Variants in ARL8B observed in about 807,000 individuals in gnomAD.
ARL8B encodes the protein ARF like GTPase 8B.
ARL8B carries 9 observed loss-of-function variants against 30.6 expected under a neutral mutation model. The ratio of observed to expected loss-of-function variants is 0.29; its 90% CI spans 0.18 to 0.51. The LOEUF is 0.51. ARL8B is among the 20% of genes least tolerant of loss of function. The pLI is 0.97. For synonymous variants in ARL8B, 74 were observed against 76.0 expected (o/e 0.97, Z 0.14); for missense variants, 130 against 227.2 (o/e 0.57, Z 2.75).
chr3:5,161,243 C>A (rs562798740), intron 1 of ARL8B, among the ~76,000 whole-genome samples: 1 of 152,266 alleles, frequency 6.6e-6, no homozygotes, highest in South Asian at 2.1e-4. Flanking sequence ...TGATTCAGCC[C>A]CTGTCCCATA....
At chr3:5,136,624 T>TA (rs1260332468) in intron 1 of ARL8B, among the ~76,000 whole-genome samples, 1 of 152,236 alleles carries the variant, frequency 6.6e-6, no homozygotes, top group Non-Finnish European at 1.5e-5. Flanking sequence ...TAGGAACACT[T>TA]ACAAATTTTA....
chr3:5,122,345 C>T lies in ARL8B; in HGVS notation c.-121C>T. 1.3e-6 allele frequency: 2 copies of T among 1,547,114 alleles called. No homozygotes were observed. The highest frequency in any genetic ancestry group is 8.7e-7 in the Non-Finnish European group (1 of 1,148,268). The stretch of plus-strand genomic sequence containing the variant: ...GCTGCTGCCGCCCGCCGGTGTCCGC[C>T]CGTGTCGCGCCGGGGCACCAAGGAG... On this transcript the variant is annotated 5_prime_UTR_variant, in exon 1 of 7. Coordinates refer to ENST00000256496, the MANE Select transcript of ARL8B (RefSeq NM_018184.3).
chr3:5,132,129 T>G (rs1295685673), intron 1 of ARL8B, among the ~76,000 whole-genome samples: 1 of 152,202 alleles, frequency 6.6e-6, no homozygotes, highest in Non-Finnish European at 1.5e-5. Context: ...GCTCAAGCTG[T>G]CCTCCTTCCT....
At chr3:5,166,049 T>C (rs1418766809) in intron 1 of ARL8B, among the ~76,000 whole-genome samples, 1 of 151,874 alleles carries the variant, frequency 6.6e-6, no homozygotes, top group Non-Finnish European at 1.5e-5. Context: ...TATCTTTTTT[T>C]TTTTTTTTTG....
chr3:5,136,861 C>T (rs946765416), intron 1 of ARL8B, among the ~76,000 whole-genome samples: 8 of 152,130 alleles, frequency 5.3e-5, no homozygotes, highest in Middle Eastern at 3.2e-3. Flanking sequence ...CTGTCTTACT[C>T]ATCGTTCAGG....
intron 1 of ARL8B, among the ~76,000 whole-genome samples, chr3:5,131,591 A>G (rs2054284418): frequency 1.3e-5 from 2 of 151,864 alleles, no homozygotes; most frequent in African/African-American, 4.8e-5. Context: ...GGGTTTCACG[A>G]TGTTGGCCAC....
chr3:5,168,196 C>T (rs1186766485), intron 1 of ARL8B, among the ~76,000 whole-genome samples: 3 of 152,158 alleles, frequency 2.0e-5, no homozygotes, highest in Non-Finnish European at 4.4e-5. Flanking sequence ...ACCTCAGCCT[C>T]CCTAGTAGCT....
chr3:5,174,239 A>T lies in ARL8B; in HGVS notation c.441-105A>T, dbSNP rs73002998. ...ATCCTAACATTTTAGGATTGCTACG[A>T]TGATTTCTTCAGTATAGTAATAAAA... On this transcript the variant is annotated intron_variant, in intron 5 of 6. Coordinates refer to ENST00000256496, the MANE Select transcript of ARL8B (RefSeq NM_018184.3). The T allele has an allele frequency of 6.2e-3, 6,624 of 1,076,698 alleles. 44 individuals carry two copies. The highest frequency in any genetic ancestry group is 0.017 in the Middle Eastern group (83 of 4,800). The allele number at this position is 1,076,698 out of a possible 1,614,324, so 66.7% of individuals were successfully genotyped here.
intron 1 of ARL8B, among the ~76,000 whole-genome samples, chr3:5,154,891 T>TTTTGTTTG (rs77688723): frequency 2.0e-5 from 3 of 151,176 alleles, no homozygotes; most frequent in Admixed American, 6.6e-5. Context: ...TTGTGGTTGT[T>TTTTGTTTG]TTTGTTTGTT....
At chr3:5,153,955 C>T (rs539801410) in intron 1 of ARL8B, among the ~76,000 whole-genome samples, 3 of 151,762 alleles carry the variant, frequency 2.0e-5, no homozygotes, top group African/African-American at 4.8e-5. Flanking sequence ...TCCAGCACTT[C>T]GGAAGATGCT....
At chr3:5,168,912 C>T (rs983647436) in intron 1 of ARL8B, among the ~76,000 whole-genome samples, 4 of 152,172 alleles carry the variant, frequency 2.6e-5, no homozygotes, top group South Asian at 2.1e-4. Context: ...CATTATCTCA[C>T]GTAGATCTCT....
intron 1 of ARL8B, among the ~76,000 whole-genome samples, 164 bp downstream of exon 1, chr3:5,122,752 C>A (rs1188453100): frequency 1.3e-5 from 2 of 152,226 alleles, no homozygotes; most frequent in Non-Finnish European, 2.9e-5. Context: ...TTGGAATTTC[C>A]CGCGTGTTGG....
At chr3:5,147,123 C>G (rs557094344) in intron 1 of ARL8B, among the ~76,000 whole-genome samples, 1 of 152,060 alleles carries the variant, frequency 6.6e-6, no homozygotes, top group Non-Finnish European at 1.5e-5. Flanking sequence ...GCTGCACCCA[C>G]TAACCGGTCA....
At chr3:5,142,910 C>T (rs553943599) in intron 1 of ARL8B, among the ~76,000 whole-genome samples, 4 of 152,294 alleles carry the variant, frequency 2.6e-5, no homozygotes, top group Admixed American at 6.5e-5. Flanking sequence ...AGTTATTTGG[C>T]AAGGAGCCCT....
At chr3:5,129,954 C>G (rs1420241988) in intron 1 of ARL8B, among the ~76,000 whole-genome samples, 4 of 152,128 alleles carry the variant, frequency 2.6e-5, no homozygotes, top group Non-Finnish European at 4.4e-5. Context: ...ACCTCTGCCT[C>G]CTGGGTTCAA....
At chr3:5,131,745 A>G (rs1309569788) in intron 1 of ARL8B, among the ~76,000 whole-genome samples, 1 of 152,194 alleles carries the variant, frequency 6.6e-6, no homozygotes, top group African/African-American at 2.4e-5. Flanking sequence ...TAACCCTTAT[A>G]TGAATATTTT....
intron 1 of ARL8B, among the ~76,000 whole-genome samples, chr3:5,142,911 A>G (rs2054387000): frequency 1.3e-5 from 2 of 152,228 alleles, no homozygotes; most frequent in Non-Finnish European, 2.9e-5. Flanking sequence ...GTTATTTGGC[A>G]AGGAGCCCTT....
chr3:5,134,985 A>C (rs938096807), intron 1 of ARL8B, among the ~76,000 whole-genome samples: 184 of 151,998 alleles, frequency 1.2e-3, no homozygotes, highest in Non-Finnish European at 2.0e-3. Context: ...AGTAGCTGGG[A>C]CTGCCGGCAC....
intron 1 of ARL8B, among the ~76,000 whole-genome samples, chr3:5,144,484 C>A (rs1363300395): frequency 3.3e-5 from 5 of 152,154 alleles, no homozygotes; most frequent in African/African-American, 9.7e-5. Flanking sequence ...TTACACAGAG[C>A]CTGGGGTCCC....
Sources: gnomAD v4.1 joint callset for allele counts (sites outside exome capture counted in the v4.1 genomes callset) on GRCh38, gnomAD v4.1.1 for gene constraint, MANE v1.5 for transcripts, NCBI Gene and HGNC (gene_info 2026-07-23, HGNC 2026-07-21) for gene names.